The following SPATS2 variants were observed in gnomAD, a reference collection of about 807,000 sequenced individuals.
SPATS2 encodes spermatogenesis associated serine rich 2, also known as spermatogenesis-associated serine-rich protein 2.
In SPATS2, 38 loss-of-function variants were observed where a neutral mutation model predicts 63.7. The ratio of observed to expected loss-of-function variants is 0.60; its 90% CI spans 0.46 to 0.78. The LOEUF (loss-of-function observed/expected upper bound fraction) is 0.78, where lower values mean the gene tolerates loss of function less well. Among genes scored for constraint, SPATS2 ranks in the 30% least tolerant of loss-of-function variants. The probability of loss-of-function intolerance (pLI) is 0.00; values close to 1 mark genes in which losing one functional copy is unlikely to be tolerated. For missense variants in SPATS2, 588 were observed against 666.2 expected, an observed-to-expected ratio of 0.88 and a Z score of 1.29; for synonymous variants, 207 against 232.9, an observed-to-expected ratio of 0.89 and a Z score of 1.01.
intron 4 of SPATS2, among the ~76,000 whole-genome samples, chr12:49,487,708 C>T (rs1215077492): frequency 6.6e-6 from 1 of 152,124 alleles, no homozygotes; most frequent in Admixed American, 6.5e-5. Context: ...AGCAGTCCTC[C>T]CGCCTCACCC....
chr12:49,470,844 C>T (rs1012132016), intron 3 of SPATS2, among the ~76,000 whole-genome samples: 1 of 152,196 alleles, frequency 6.6e-6, no homozygotes, highest in Non-Finnish European at 1.5e-5. Flanking sequence ...AAACTTTAAA[C>T]TTATATTCAG....
intron 12 of SPATS2, among the ~76,000 whole-genome samples, chr12:49,523,450 G>A (rs1946976377): frequency 6.6e-6 from 1 of 151,972 alleles, no homozygotes; most frequent in Admixed American, 6.6e-5. Context: ...AGCTATGATT[G>A]CCACTGCACT....
intron 2 of SPATS2, among the ~76,000 whole-genome samples, chr12:49,380,722 T>C (rs1445337564): frequency 6.6e-6 from 1 of 151,508 alleles, no homozygotes; most frequent in East Asian, 1.9e-4. Context: ...AAAATATATA[T>C]ATATATTTAT....
intron 6 of SPATS2, among the ~76,000 whole-genome samples, chr12:49,491,582 T>C (rs955584585): frequency 6.6e-6 from 1 of 152,152 alleles, no homozygotes; most frequent in African/African-American, 2.4e-5. Context: ...AGGGGTCTGA[T>C]GTTCCACTTT....
chr12:49,411,823 G>A (rs965499922), intron 2 of SPATS2, among the ~76,000 whole-genome samples: 1 of 152,134 alleles, frequency 6.6e-6, no homozygotes, highest in Non-Finnish European at 1.5e-5. Flanking sequence ...TTCTTTCACA[G>A]TACCTTCTGC....
chr12:49,426,300 A>G (rs1945074743), intron 2 of SPATS2, among the ~76,000 whole-genome samples: 1 of 152,190 alleles, frequency 6.6e-6, no homozygotes, highest in African/African-American at 2.4e-5. Context: ...TATAACCACT[A>G]TTCAGATCAG....
In SPATS2 at chr12:49,453,983, C is replaced by T. The variant is rs529548776; in HGVS notation, c.-243-6787C>T. Reference sequence around the variant, plus strand: ...GTTCACACCATTCTCCTGCCTCAGCCTCCCGAGTAGCTGGGACTACAGGCT... The same window carrying T: ...GTTCACACCATTCTCCTGCCTCAGCTTCCCGAGTAGCTGGGACTACAGGCT... On this transcript the variant is annotated intron_variant, in intron 2 of 13. Coordinates refer to ENST00000552918, the MANE Select transcript of SPATS2 (RefSeq NM_023071.4). 3.8e-4 allele frequency among the ~76,000 whole-genome samples: 58 copies of T among 151,364 alleles called. 3 individuals are homozygous for T. In the South Asian group the frequency reaches 6.5e-3, roughly 17 times the overall value.
At chr12:49,464,873 T>A (rs530026149) in intron 3 of SPATS2, among the ~76,000 whole-genome samples, 1 of 152,224 alleles carries the variant, frequency 6.6e-6, no homozygotes, top group African/African-American at 2.4e-5. Flanking sequence ...CAATATTCTC[T>A]TGTTTGTGAT....
At chr12:49,500,299 C>T in intron 9 of SPATS2, 94 bp downstream of exon 9, 1 of 1,333,688 alleles carries the variant, frequency 7.5e-7, no homozygotes, top group Non-Finnish European at 1.0e-6. Flanking sequence ...TCATTCATGA[C>T]TAACTACATA....
chr12:49,432,426 A>G (rs111516466), intron 2 of SPATS2, among the ~76,000 whole-genome samples: 14,025 of 152,266 alleles, frequency 0.092, 757 homozygotes, highest in African/African-American at 0.14. Context: ...GAGCCAAGAT[A>G]GCACCACTGC....
At position 49,460,823 on chromosome 12, in the gene SPATS2, A is replaced by G; in HGVS notation, c.-190A>G. On this transcript the variant is annotated 5_prime_UTR_variant, in exon 3 of 14. Transcript: ENST00000552918. ...TCTGCAATGATACTTCCTGACAAGA[A>G]GTTGATACAAGAAAAGGAAAGGAGA... The G allele has an allele frequency of 1.6e-6, 1 of 625,486 alleles. No individual in the cohort carries two copies. Among genetic ancestry groups the G allele is most frequent in the Non-Finnish European group, 2.9e-6 (1 of 345,988 alleles). 38.7% of individuals were successfully genotyped at this position (625,486 alleles called of 1,614,324 possible).
intron 2 of SPATS2, among the ~76,000 whole-genome samples, chr12:49,410,379 T>A (rs1944776913): frequency 6.6e-6 from 1 of 152,144 alleles, no homozygotes; most frequent in Non-Finnish European, 1.5e-5. Flanking sequence ...CCCAGCCTGT[T>A]CTATACATGT....
intron 9 of SPATS2, chr12:49,512,833 C>T (rs1369251872): frequency 7.8e-7 from 1 of 1,286,930 alleles, no homozygotes; most frequent in Non-Finnish European, 1.0e-6. Flanking sequence ...CAGCTCCTGT[C>T]TCAGTTGTGC....
intron 9 of SPATS2, chr12:49,512,840 G>T: frequency 7.8e-7 from 1 of 1,287,902 alleles, no homozygotes; most frequent in Non-Finnish European, 1.0e-6. Context: ...TGTCTCAGTT[G>T]TGCTTTTGTT....
At chr12:49,459,927 C>A (rs1467527025) in intron 2 of SPATS2, among the ~76,000 whole-genome samples, 3 of 133,556 alleles carry the variant, frequency 2.2e-5, no homozygotes, top group South Asian at 2.4e-4. Flanking sequence ...TATGGTGAAA[C>A]CCTGTCTCTA....
In SPATS2 at chr12:49,468,198, T is replaced by A. The variant is rs1592428842; in HGVS notation, c.25+7161T>A. 4.0e-5 allele frequency among the ~76,000 whole-genome samples: 6 copies of A among 151,036 alleles called. 1 individual carries two copies. Among genetic ancestry groups the A allele is most frequent in the African/African-American group, 1.5e-4 (6 of 41,176 alleles). On this transcript the variant is annotated intron_variant, in intron 3 of 13. Coordinates refer to ENST00000552918, the MANE Select transcript of SPATS2 (RefSeq NM_023071.4). ...TTTTTTGAAATGGAGTCTTGCTTTGTTGCCAGGCTGGAGTGCAGTGGCACG... is the reference window on the plus strand; with the variant it reads ...TTTTTTGAAATGGAGTCTTGCTTTGATGCCAGGCTGGAGTGCAGTGGCACG...
At chr12:49,492,439 G>A (rs948746815) in intron 6 of SPATS2, among the ~76,000 whole-genome samples, 6 of 151,654 alleles carry the variant, frequency 4.0e-5, no homozygotes, top group Admixed American at 6.6e-5. Flanking sequence ...CTAGGCTGGT[G>A]TCGAACGCCT....
At chr12:49,445,019 T>G (rs971311679) in intron 2 of SPATS2, among the ~76,000 whole-genome samples, 14 of 152,230 alleles carry the variant, frequency 9.2e-5, no homozygotes, top group Non-Finnish European at 1.8e-4. Context: ...CTTAGGATTT[T>G]CTGTATATGG....
Position 49,496,903 on chromosome 12 carries a change from T to A in SPATS2, c.597T>A (p.Ser199=). The part of the protein sequence containing the change: ...KSLTMHSIHN[S]QQPRNAAKSL... ...TGACTATGCACTCTATTCACAATTC[T>A]CAACAACCCAGGAATGCTGCCAAAT... The change falls in exon 8 of 14, where the codon TCT becomes TCA. Residue 199 remains serine, a synonymous_variant. Coordinates refer to ENST00000552918, the MANE Select transcript of SPATS2 (RefSeq NM_023071.4). The A allele has an allele frequency of 6.2e-7, 1 of 1,613,928 alleles. No homozygotes were observed. The highest frequency in any genetic ancestry group is 8.5e-7 in the Non-Finnish European group (1 of 1,179,950).
Sources: allele counts gnomAD v4.1 joint callset (sites outside exome capture counted in the v4.1 genomes callset), GRCh38; gene constraint gnomAD v4.1.1; transcripts MANE v1.5; gene names NCBI Gene and HGNC (gene_info 2026-07-23, HGNC 2026-07-21).